The following SLC6A3 variants were observed in gnomAD, a reference collection of about 807,000 sequenced individuals.
The protein encoded by SLC6A3 is solute carrier family 6 member 3.
Under a neutral mutation model 70.4 loss-of-function variants are expected in SLC6A3, and 19 were observed. The observed-to-expected ratio is 0.27, with a 90% CI of 0.19 to 0.40. SLC6A3 has a LOEUF of 0.40. Among genes scored for constraint, SLC6A3 ranks in the 10% least tolerant of loss-of-function variants. SLC6A3 has a pLI of 1.00. For synonymous variants in SLC6A3, 368 were observed against 356.6 expected, an observed-to-expected ratio of 1.03 and a Z score of -0.36; for missense variants, 613 against 838.5, an observed-to-expected ratio of 0.73 and a Z score of 3.32.
chr5:1,417,368 G>T lies in SLC6A3; in HGVS notation c.928-1167C>A, dbSNP rs184569642. On this transcript the variant is annotated intron_variant, in intron 6 of 14. Coordinates refer to ENST00000270349, the MANE Select transcript of SLC6A3 (RefSeq NM_001044.5). ...GCAGCACCCTGATAACCCTCAGAAA[G>T]GCATGGACCCATCCACATGCTACAT... is the stretch of plus-strand genomic sequence containing the variant. Among the ~76,000 whole-genome samples the T allele has an allele frequency of 1.5e-4, 23 of 152,326 alleles. No individual in the cohort carries two copies. The East Asian group carries it at 4.2e-3, about 28-fold the overall frequency.
chr5:1,402,232 T>C lies in SLC6A3; in HGVS notation c.1767+690A>G, dbSNP rs1429595472. On this transcript the variant is annotated intron_variant, in intron 13 of 14. Transcript: ENST00000270349. The surrounding 1 kb of genome is among the most constrained non-coding windows in gnomAD (Gnocchi z 8.5). ...GGATCTCAGGTGAGGGCGACCCTCT[T>C]CCAAGGAGGGAGTGTCCTTGTCTCT... 6.6e-6 allele frequency among the ~76,000 whole-genome samples: 1 copy of C among 151,920 alleles called. No individual in the cohort carries two copies. Among genetic ancestry groups the C allele is most frequent in the Non-Finnish European group, 1.5e-5 (1 of 67,982 alleles).
intron 4 of SLC6A3, among the ~76,000 whole-genome samples, chr5:1,430,066 G>A (rs1022554451): frequency 1.3e-5 from 2 of 152,106 alleles, no homozygotes; most frequent in African/African-American, 4.8e-5. Flanking sequence ...TTCCTATGGC[G>A]ATGCTCGTCC....
rs1261782450 is a variant in SLC6A3 at position 1,437,027 on chromosome 5, G to A, written c.419-4329C>T. 3.3e-5 allele frequency among the ~76,000 whole-genome samples: 5 copies of A among 152,120 alleles called. No individual in the cohort carries two copies. Among genetic ancestry groups the A allele is most frequent in the Non-Finnish European group, 5.9e-5 (4 of 68,030 alleles). On this transcript the variant is annotated intron_variant, in intron 3 of 14. Transcript: ENST00000270349. The surrounding 1 kb of genome is among the most constrained non-coding windows in gnomAD (Gnocchi z 4.8). ...AGCACTTTGGGAGGCCAAGGCAGGC[G>A]GATCATGAGGTCAGGCAATCGAGAC... is the stretch of plus-strand genomic sequence containing the variant.
rs940528302 is a variant in SLC6A3 at position 1,436,063 on chromosome 5, G to A, written c.419-3365C>T. 2.0e-5 allele frequency among the ~76,000 whole-genome samples: 3 copies of A among 147,278 alleles called. No individual in the cohort carries two copies. The highest frequency in any genetic ancestry group is 6.8e-5 in the Admixed American group (1 of 14,804). On this transcript the variant is annotated intron_variant, in intron 3 of 14. Transcript: ENST00000270349. This position sits in a 1 kb window ranked among gnomAD's most constrained non-coding sequence, Gnocchi z 5.2. ...TGGCTCCCTTGAACGGTGGTGGCCA[G>A]TCCCCTCCTGGATGCTTCCCTGGGC...
intron 4 of SLC6A3, among the ~76,000 whole-genome samples, chr5:1,429,540 A>G (rs1231843525): frequency 6.6e-6 from 1 of 152,216 alleles, no homozygotes; most frequent in Admixed American, 6.5e-5. Flanking sequence ...CATTCTTAAC[A>G]ACGAATCACT....
At position 1,443,208 on chromosome 5, in the gene SLC6A3, G is replaced by A; in HGVS notation, c.-11C>T. The stretch of plus-strand genomic sequence containing the variant: ...TTTGCTCTTACTCATGGGCACACTG[G>A]GAGTTGAGGAATTCTGTGCTTCTTC... On this transcript the variant is annotated 5_prime_UTR_variant, in exon 2 of 15. Coordinates refer to ENST00000270349, the MANE Select transcript of SLC6A3 (RefSeq NM_001044.5). 2.5e-6 allele frequency: 4 copies of A among 1,614,018 alleles called. No individual in the cohort carries two copies. The highest frequency in any genetic ancestry group is 3.4e-6 in the Non-Finnish European group (4 of 1,179,906).
intron 3 of SLC6A3, among the ~76,000 whole-genome samples, chr5:1,439,948 C>G (rs960373685): frequency 6.6e-6 from 1 of 152,236 alleles, no homozygotes; most frequent in African/African-American, 2.4e-5. Context: ...ATCTCCAACA[C>G]AGAGACCTAG....
chr5:1,409,985 G>T, intron 9 of SLC6A3, 136 bp from the exon 10 acceptor site: 1 of 1,106,836 alleles, frequency 9.0e-7, no homozygotes, highest in Non-Finnish European at 1.3e-6. Context: ...CGTCCAGGGT[G>T]CAGGATGCCT....
rs420422 is a variant in SLC6A3, at chr5:1,436,293, T to C, written c.419-3595A>G. Among the ~76,000 whole-genome samples, 78,116 of 152,144 alleles carry C rather than the reference T, an allele frequency of 0.51. 20,487 individuals are homozygous for C. Among genetic ancestry groups the C allele is most frequent in the East Asian group, 0.65 (3,387 of 5,178 alleles). ...AGACGCAGGAAACCCACTACCCTGTTGGCTACAGAACCTTCTAGTGATCTC... is the reference window on the plus strand; with the variant it reads ...AGACGCAGGAAACCCACTACCCTGTCGGCTACAGAACCTTCTAGTGATCTC... On this transcript the variant is annotated intron_variant, in intron 3 of 14. Coordinates refer to ENST00000270349, the MANE Select transcript of SLC6A3 (RefSeq NM_001044.5). The surrounding 1 kb of genome is among the most constrained non-coding windows in gnomAD (Gnocchi z 5.2).
At chr5:1,420,824 A>G in intron 5 of SLC6A3, 121 bp from the exon 6 acceptor site, 1 of 1,054,640 alleles carries the variant, frequency 9.5e-7, no homozygotes. Flanking sequence ...CCCAATTCCC[A>G]AACATTTCCT....
At chr5:1,432,134 C>A (rs1756719401) in intron 4 of SLC6A3, among the ~76,000 whole-genome samples, 1 of 152,170 alleles carries the variant, frequency 6.6e-6, no homozygotes, top group Non-Finnish European at 1.5e-5. Context: ...CTCCCAGAGA[C>A]TGGAGCTTGC....
chr5:1,439,803 TGGCTTTG>T (rs1756929460), intron 3 of SLC6A3, among the ~76,000 whole-genome samples: 1 of 152,182 alleles, frequency 6.6e-6, no homozygotes, highest in East Asian at 1.9e-4. Flanking sequence ...CCCTGAGAGG[TGGCTTTG>T]GCCCACTGGG....
At chr5:1,423,656 GC>G (rs1560919530) in intron 4 of SLC6A3, among the ~76,000 whole-genome samples, 1 of 152,226 alleles carries the variant, frequency 6.6e-6, no homozygotes, top group East Asian at 1.9e-4. Flanking sequence ...TGTGCTCCTT[GC>G]CCCAGGCACA....
chr5:1,409,886 G>A (rs139551607), intron 9 of SLC6A3, 37 bp from the exon 10 acceptor site: 37 of 1,611,584 alleles, frequency 2.3e-5, no homozygotes, highest in African/African-American at 8.0e-5. Flanking sequence ...GCAGGCTGGC[G>A]GCGCTCCTGA....
chr5:1,424,561 C>T (rs1756536134), intron 4 of SLC6A3, among the ~76,000 whole-genome samples: 1 of 152,222 alleles, frequency 6.6e-6, no homozygotes, highest in African/African-American at 2.4e-5. Context: ...TACACCCAGA[C>T]CAGACAGCAC....
intron 11 of SLC6A3, among the ~76,000 whole-genome samples, chr5:1,407,120 C>T (rs951421129): frequency 2.0e-5 from 3 of 152,196 alleles, no homozygotes; most frequent in African/African-American, 7.2e-5. Flanking sequence ...TTTTCTTTCA[C>T]TGGTATTATC....
chr5:1,412,697 C>T (rs1756157731), intron 8 of SLC6A3, among the ~76,000 whole-genome samples: 1 of 152,022 alleles, frequency 6.6e-6, no homozygotes, highest in African/African-American at 2.4e-5. Context: ...CAAGCCCAAT[C>T]TGCCTGCAAC....
In SLC6A3 at chr5:1,411,628, G is replaced by T. The variant is rs536980878; in HGVS notation, c.1157-273C>A. 6.6e-5 allele frequency among the ~76,000 whole-genome samples: 10 copies of T among 152,356 alleles called. No individual in the cohort carries two copies. The South Asian group carries it at 1.2e-3, about 19-fold the overall frequency. ...TACCTGGGTCCTTTTGGGCTATGGG[G>T]GTGCTTGGGGAAGGAAGGGGCAGAA... is the stretch of plus-strand genomic sequence containing the variant. On this transcript the variant is annotated intron_variant, in intron 8 of 14. Coordinates refer to ENST00000270349, the MANE Select transcript of SLC6A3 (RefSeq NM_001044.5). The surrounding 1 kb of genome is among the most constrained non-coding windows in gnomAD (Gnocchi z 6.5).
chr5:1,406,230 G>A lies in SLC6A3; in HGVS notation c.1557C>T (p.Tyr519=). ...TGACCAGCTTCCAGCACAGCCGCCA[G>A]TACAGGCTGGGCCGCTGCCCGGTCA... ...QQMTGQRPSL[Y]WRLCWKLVSP... is the part of the protein sequence containing the mutation. The change falls in exon 12 of 15, where the codon TAC becomes TAT. Residue 519 remains tyrosine (Y), a synonymous_variant. Coordinates refer to ENST00000270349, the MANE Select transcript of SLC6A3 (RefSeq NM_001044.5). The surrounding 1 kb of genome is among the most constrained non-coding windows in gnomAD (Gnocchi z 8.8). The A allele has an allele frequency of 6.2e-7, 1 of 1,613,020 alleles. No homozygotes were observed. Among genetic ancestry groups the A allele is most frequent in the Non-Finnish European group, 8.5e-7 (1 of 1,180,004 alleles).
Sources: allele counts gnomAD v4.1 joint callset (sites outside exome capture counted in the v4.1 genomes callset), GRCh38; gene constraint gnomAD v4.1.1; non-coding constraint Gnocchi (gnomAD v3.1); transcripts MANE v1.5; gene names NCBI Gene and HGNC (gene_info 2026-07-23, HGNC 2026-07-21).